NPSR1: variants seen among roughly 807,000 people sequenced by gnomAD.
The protein encoded by NPSR1 is neuropeptide S receptor 1, also known as neuropeptide S receptor.
Under a neutral mutation model 46.9 loss-of-function variants are expected in NPSR1, and 48 were observed. The observed-to-expected ratio is 1.02, with a 90% CI of 0.81 to 1.30. The LOEUF is 1.30. Among genes scored for constraint, NPSR1 ranks in the 50% most tolerant of loss-of-function variants. The pLI is 0.00. For synonymous variants in NPSR1, 176 were observed against 168.1 expected, an observed-to-expected ratio of 1.05 and a Z score of -0.36; for missense variants, 450 against 449.5, an observed-to-expected ratio of 1.00 and a Z score of -0.01.
chr7:34,847,632 C>G (rs1396402144), intron 7 of NPSR1, among the ~76,000 whole-genome samples: 2 of 152,156 alleles, frequency 1.3e-5, no homozygotes, highest in South Asian at 4.1e-4. Flanking sequence ...CGAAGACAGG[C>G]AAGCAGAGTG....
rs529110175 is a variant in NPSR1, at chr7:34,871,157, T to C, written c.1026-6919T>C. Among the ~76,000 whole-genome samples, 8 of 151,908 alleles carry C rather than the reference T, an allele frequency of 5.3e-5. No individual in the cohort carries two copies. The South Asian group carries it at 1.2e-3, about 24-fold the overall frequency. On this transcript the variant is annotated intron_variant, in intron 8 of 8. Coordinates refer to the NPSR1 transcript ENST00000359791. ...CAGGAAGCATGATGCTGTCATCTGCTTCTGCTGAGGGCCTCACTAATCTTA... is the reference window on the plus strand; with the variant it reads ...CAGGAAGCATGATGCTGTCATCTGCCTCTGCTGAGGGCCTCACTAATCTTA...
chr7:34,708,261 A>G (rs1311393323), intron 2 of NPSR1, among the ~76,000 whole-genome samples: 2 of 152,236 alleles, frequency 1.3e-5, no homozygotes, highest in African/African-American at 4.8e-5. Flanking sequence ...TATTAGAAAT[A>G]TAGGAAGGAA....
intron 8 of NPSR1, among the ~76,000 whole-genome samples, chr7:34,861,481 C>G (rs1180080457): frequency 6.6e-6 from 1 of 151,776 alleles, no homozygotes. Context: ...TGGCATTTTT[C>G]TTTTGCAGTA....
At chr7:34,782,684 C>A (rs575088054) in intron 3 of NPSR1, among the ~76,000 whole-genome samples, 1 of 152,032 alleles carries the variant, frequency 6.6e-6, no homozygotes, top group African/African-American at 2.4e-5. Flanking sequence ...GTGCATTTGA[C>A]TGCTTTACCA....
At chr7:34,676,082 G>A (rs2531838) in intron 1 of NPSR1, among the ~76,000 whole-genome samples, 18,618 of 152,130 alleles carry the variant, frequency 0.12, 1,225 homozygotes, top group Middle Eastern at 0.17. Flanking sequence ...GACTGGTACC[G>A]AAAATAGGGT....
intron 1 of NPSR1, among the ~76,000 whole-genome samples, chr7:34,659,272 A>G (rs969910947): frequency 1.3e-5 from 2 of 152,228 alleles, no homozygotes; most frequent in African/African-American, 4.8e-5. Context: ...GGAAAAGAAC[A>G]GTTTCCTGCT....
chr7:34,786,396 C>T (rs1230607339), intron 3 of NPSR1, among the ~76,000 whole-genome samples: 1 of 152,178 alleles, frequency 6.6e-6, no homozygotes, highest in Non-Finnish European at 1.5e-5. Flanking sequence ...ATTTCCACCA[C>T]TTTCGCAGTA....
chr7:34,664,616 T>TTA (rs1554302141), intron 1 of NPSR1, among the ~76,000 whole-genome samples: 2 of 144,986 alleles, frequency 1.4e-5, no homozygotes, highest in Admixed American at 1.4e-4. Flanking sequence ...TTCTTTTTTT[T>TTA]AAAAAAAAAA....
chr7:34,674,010 A>C (rs1288908213), intron 1 of NPSR1, among the ~76,000 whole-genome samples: 3 of 152,138 alleles, frequency 2.0e-5, no homozygotes, highest in Non-Finnish European at 2.9e-5. Context: ...GGTTGATAGC[A>C]GGGGAGTGGA....
chr7:34,854,259 A>C (rs2128766643), downstream of NPSR1, among the ~76,000 whole-genome samples: 1 of 152,332 alleles, frequency 6.6e-6, no homozygotes, highest in South Asian at 2.1e-4. Context: ...GGGACATAAA[A>C]CAGCTGGGAT....
rs574339845 is a variant in NPSR1 at position 34,870,947 on chromosome 7, G to A, written c.1026-7129G>A. On this transcript the variant is annotated intron_variant, in intron 8 of 8. Transcript: ENST00000359791. ...GGATGGATGGATAGATGGATGGATGGATGAAAGGAAGGGTAGATGAACAGA... is the reference window on the plus strand; with the variant it reads ...GGATGGATGGATAGATGGATGGATGAATGAAAGGAAGGGTAGATGAACAGA... Among the ~76,000 whole-genome samples, 3 of 151,852 alleles carry A rather than the reference G, an allele frequency of 2.0e-5. 1 individual carries two copies. The highest frequency in any genetic ancestry group is 7.3e-5 in the African/African-American group (3 of 41,130).
At chr7:34,769,451 T>C (rs1265500978) in intron 2 of NPSR1, among the ~76,000 whole-genome samples, 1 of 152,184 alleles carries the variant, frequency 6.6e-6, no homozygotes, top group Non-Finnish European at 1.5e-5. Context: ...AAAAAATACA[T>C]CCTCTTTTAA....
intron 4 of NPSR1, 68 bp downstream of exon 4, chr7:34,811,931 C>T (rs1488969644): frequency 3.1e-6 from 3 of 978,804 alleles, no homozygotes; most frequent in Admixed American, 4.2e-5. Context: ...ATCATTTTCA[C>T]TAATATTTTA....
chr7:34,793,885 T>G (rs1376306873), intron 3 of NPSR1, among the ~76,000 whole-genome samples: 1 of 152,174 alleles, frequency 6.6e-6, no homozygotes, highest in African/African-American at 2.4e-5. Flanking sequence ...TACTATTCAT[T>G]CATAAAAAAG....
chr7:34,859,312 G>A (rs1471080489), intron 8 of NPSR1, among the ~76,000 whole-genome samples: 4 of 151,640 alleles, frequency 2.6e-5, no homozygotes. Context: ...CCTGCCAAGG[G>A]GACCTGGAAT....
intron 2 of NPSR1, chr7:34,751,600 C>T (rs1003833560): frequency 6.5e-5 from 104 of 1,601,986 alleles, no homozygotes; most frequent in Middle Eastern, 1.6e-4. Context: ...GAGAACTCGG[C>T]GCTGACAGAG....
chr7:34,703,275 G>A (rs563607577), intron 2 of NPSR1, among the ~76,000 whole-genome samples: 1 of 152,348 alleles, frequency 6.6e-6, no homozygotes, highest in South Asian at 2.1e-4. Flanking sequence ...AGAGGCTGAG[G>A]CGGGAGAATG....
intron 3 of NPSR1, among the ~76,000 whole-genome samples, chr7:34,797,320 T>A (rs1788217504): frequency 6.6e-6 from 1 of 152,168 alleles, no homozygotes. Context: ...TAATGTAAAC[T>A]ATGAACTTTG....
intron 4 of NPSR1, among the ~76,000 whole-genome samples, chr7:34,821,979 G>T (rs1584096701): frequency 6.6e-6 from 1 of 152,258 alleles, no homozygotes; most frequent in East Asian, 1.9e-4. Context: ...CCTGCATCTG[G>T]AATGAGAGCC....
Sources: gnomAD v4.1 joint callset for allele counts (sites outside exome capture counted in the v4.1 genomes callset) on GRCh38, gnomAD v4.1.1 for gene constraint, MANE v1.5 for transcripts, NCBI Gene and HGNC (gene_info 2026-07-23, HGNC 2026-07-21) for gene names.